Variants in TNPO3 observed in about 807,000 individuals in gnomAD.
TNPO3 encodes the protein transportin-3.
Under a neutral mutation model 122.8 loss-of-function variants are expected in TNPO3, and 65 were observed. The ratio of observed to expected loss-of-function variants is 0.53; its 90% CI spans 0.43 to 0.65. The LOEUF (loss-of-function observed/expected upper bound fraction) is 0.65, where lower values mean the gene tolerates loss of function less well. TNPO3 is among the 30% of genes least tolerant of loss of function. The pLI, the probability that TNPO3 is intolerant of heterozygous loss-of-function variation, is 0.00. For synonymous variants in TNPO3, 372 were observed against 411.2 expected (o/e 0.90, Z 1.15); for missense variants, 850 against 1,136.7 (o/e 0.75, Z 3.63).
At chr7:128,981,018 G>C (rs896311999) in intron 14 of TNPO3, among the ~76,000 whole-genome samples, 2 of 152,096 alleles carry the variant, frequency 1.3e-5, no homozygotes, top group African/African-American at 4.8e-5. Flanking sequence ...TTAAAGGAAA[G>C]CTACTCTTTA....
In TNPO3 at chr7:128,975,824, G is replaced by A; in HGVS notation, c.2173C>T (p.Leu725Phe). The A allele has an allele frequency of 6.2e-7, 1 of 1,606,912 alleles. No homozygotes were observed. The highest frequency in any genetic ancestry group is 1.7e-5 in the Admixed American group (1 of 60,016). ...EGCRQGLLDM[L>F]QALCIPTFQL... Reference sequence around the variant, plus strand: ...ACTCCTCATGGAAAAGATACCTGGAGCATGTCTAGCAGTCCCTGCCGACAG... The same window carrying A: ...ACTCCTCATGGAAAAGATACCTGGAACATGTCTAGCAGTCCCTGCCGACAG... Residue 725 changes from leucine to phenylalanine, a missense_variant, in exon 17 of 23, where the codon CTC (leucine) becomes TTC (phenylalanine). Coordinates refer to ENST00000265388, the MANE Select transcript of TNPO3 (RefSeq NM_012470.4).
chr7:129,042,832 C>A (rs1807548497), intron 1 of TNPO3, among the ~76,000 whole-genome samples: 1 of 146,444 alleles, frequency 6.8e-6, no homozygotes, highest in Admixed American at 6.9e-5. Context: ...CTAATATCTT[C>A]ACCAAAGCAG....
At chr7:128,999,403 G>A (rs1055136611) in intron 7 of TNPO3, among the ~76,000 whole-genome samples, 19 of 152,140 alleles carry the variant, frequency 1.2e-4, no homozygotes, top group Admixed American at 6.5e-5. Flanking sequence ...TCCCAGAAAT[G>A]TTTTGGGTTC....
In TNPO3 at chr7:128,969,615, G is replaced by C. The variant is rs114238396; in HGVS notation, c.2598+533C>G. ...TACTGAAATTACTTGGGCATTATTA[G>C]ATAGCTTTAAAAAAACAACTCCATC... On this transcript the variant is annotated intron_variant, in intron 20 of 22. Coordinates refer to ENST00000265388, the MANE Select transcript of TNPO3 (RefSeq NM_012470.4). Among the ~76,000 whole-genome samples the C allele has an allele frequency of 1.9e-3, 284 of 152,188 alleles. 1 individual carries two copies. The highest frequency in any genetic ancestry group is 6.6e-3 in the African/African-American group (274 of 41,526).
intron 21 of TNPO3, among the ~76,000 whole-genome samples, chr7:128,963,871 T>A (rs1797690524): frequency 6.6e-6 from 1 of 152,222 alleles, no homozygotes; most frequent in Admixed American, 6.5e-5. Flanking sequence ...AAGTGTAATT[T>A]ATGCTCATAA....
intron 1 of TNPO3, among the ~76,000 whole-genome samples, chr7:129,050,341 G>A (rs893046299): frequency 6.4e-5 from 8 of 125,464 alleles, no homozygotes; most frequent in Non-Finnish European, 7.8e-5. Context: ...CTGAGATGGC[G>A]CCACTGCACT....
intron 15 of TNPO3, 51 bp from the exon 16 acceptor site, chr7:128,979,174 C>G: frequency 6.2e-7 from 1 of 1,604,170 alleles, no homozygotes; most frequent in Non-Finnish European, 8.5e-7. Flanking sequence ...ACAACTAGGA[C>G]CTGAAAAACT....
chr7:129,034,838 T>A (rs1363796376), intron 1 of TNPO3, among the ~76,000 whole-genome samples: 1 of 128,066 alleles, frequency 7.8e-6, no homozygotes, highest in Admixed American at 9.8e-5. Context: ...GAGCTTGCAG[T>A]GAGCAGAGAT....
At chr7:128,957,801 C>T (rs1399527349) in intron 21 of TNPO3, among the ~76,000 whole-genome samples, 1 of 152,136 alleles carries the variant, frequency 6.6e-6, no homozygotes, top group Non-Finnish European at 1.5e-5. Context: ...ATTTTGTTTA[C>T]AAAGGCCGGT....
intron 1 of TNPO3, among the ~76,000 whole-genome samples, chr7:129,022,887 G>T (rs888356711): frequency 4.6e-5 from 7 of 152,154 alleles, no homozygotes; most frequent in African/African-American, 1.7e-4. Context: ...ACTGATTAGA[G>T]AGAACAAGGC....
intron 21 of TNPO3, among the ~76,000 whole-genome samples, chr7:128,966,084 G>A (rs976816544): frequency 6.6e-6 from 1 of 152,104 alleles, no homozygotes; most frequent in Admixed American, 6.6e-5. Context: ...CATGTTATGT[G>A]TATTTTTATA....
In TNPO3 at chr7:129,005,014, A is replaced by G; in HGVS notation, c.696+2T>C. On this transcript the variant is annotated splice_donor_variant, in intron 5 of 22. Coordinates refer to ENST00000265388, the MANE Select transcript of TNPO3 (RefSeq NM_012470.4). LOFTEE classifies it high-confidence loss of function. ...ACTTTGATAAATAAGGTCATTACTT[A>G]CCAAAACCTCAAAAAGGAGTGCTAG... is the stretch of plus-strand genomic sequence containing the variant. The G allele has an allele frequency of 6.2e-7, 1 of 1,612,524 alleles. No individual in the cohort carries two copies. Among genetic ancestry groups the G allele is most frequent in the Non-Finnish European group, 8.5e-7 (1 of 1,179,310 alleles).
chr7:129,047,570 T>C (rs1348100239), intron 1 of TNPO3, among the ~76,000 whole-genome samples: 4 of 152,116 alleles, frequency 2.6e-5, no homozygotes, highest in Admixed American at 1.3e-4. Context: ...TATACAAATA[T>C]TAGAGAAAGA....
At chr7:129,022,264 A>T (rs1471694449) in intron 1 of TNPO3, among the ~76,000 whole-genome samples, 1 of 152,102 alleles carries the variant, frequency 6.6e-6, no homozygotes, top group South Asian at 2.1e-4. Flanking sequence ...ATGTGCCTGT[A>T]GTCCTAGCTA....
intron 1 of TNPO3, among the ~76,000 whole-genome samples, chr7:129,033,326 A>G (rs1806163676): frequency 6.6e-6 from 1 of 152,232 alleles, no homozygotes; most frequent in Admixed American, 6.5e-5. Flanking sequence ...TAACAGGCAT[A>G]TGAAAAGATG....
chr7:129,023,121 A>G (rs13221560), intron 1 of TNPO3, among the ~76,000 whole-genome samples: 96,217 of 151,768 alleles, frequency 0.63, 30,827 homozygotes, highest in Middle Eastern at 0.71. Flanking sequence ...GGTTAATGTG[A>G]GACAGAGCTA....
intron 14 of TNPO3, among the ~76,000 whole-genome samples, chr7:128,980,465 G>A (rs1057055460): frequency 4.6e-5 from 7 of 152,154 alleles, no homozygotes; most frequent in African/African-American, 9.7e-5. Flanking sequence ...AAAATAAGCC[G>A]GGCGTGGTGG....
chr7:129,009,260 C>G (rs1197467889), intron 4 of TNPO3, among the ~76,000 whole-genome samples: 1 of 152,180 alleles, frequency 6.6e-6, no homozygotes, highest in Non-Finnish European at 1.5e-5. Context: ...TCAAAAAGTT[C>G]AACACCATGT....
In TNPO3 at chr7:128,996,946, A is replaced by G. The variant is rs374313782; in HGVS notation, c.1158+443T>C. On this transcript the variant is annotated intron_variant, in intron 8 of 22. Transcript: ENST00000265388. ...TTACAGATAACATTTTGTATATAAA[A>G]TAGCTGTTTTTTTCTTCTGCAGATT... 4.9e-4 allele frequency among the ~76,000 whole-genome samples: 75 copies of G among 152,178 alleles called. No individual in the cohort carries two copies. In the Middle Eastern group the frequency reaches 0.017, roughly 35 times the overall value.
Sources: gnomAD v4.1 joint callset for allele counts (sites outside exome capture counted in the v4.1 genomes callset) on GRCh38, gnomAD v4.1.1 for gene constraint, MANE v1.5 for transcripts, NCBI Gene and HGNC (gene_info 2026-07-23, HGNC 2026-07-21) for gene names.